SLC24A2: variants seen among roughly 807,000 people sequenced by gnomAD.
The protein encoded by SLC24A2 is solute carrier family 24 member 2.
A neutral mutation model predicts 62.0 loss-of-function variants in SLC24A2; 36 were observed. That is an observed-to-expected ratio of 0.58 (90% confidence interval 0.44 to 0.77). SLC24A2 has a LOEUF of 0.77. Ranked by LOEUF, SLC24A2 falls within the 30% of genes least tolerant of loss-of-function variation. SLC24A2 has a pLI of 0.00. For synonymous variants in SLC24A2, 358 were observed against 294.0 expected (o/e 1.22, Z -2.23); for missense variants, 846 against 817.9 (o/e 1.03, Z -0.42).
intron 10 of SLC24A2, among the ~76,000 whole-genome samples, chr9:19,517,933 AC>A (rs1563926118): frequency 1.0e-4 from 15 of 147,544 alleles, no homozygotes; most frequent in Non-Finnish European, 1.9e-4. Context: ...ACACACACAC[AC>A]ACACACACAC....
chr9:19,534,652 T>C (rs1027061543), intron 8 of SLC24A2, among the ~76,000 whole-genome samples: 1 of 152,204 alleles, frequency 6.6e-6, no homozygotes, highest in African/African-American at 2.4e-5. Flanking sequence ...AATGATAGTT[T>C]CCAGCTTCAT....
chr9:20,182,475 G>GT, the SLC24A2 span, among the ~76,000 whole-genome samples: 1 of 152,198 alleles, frequency 6.6e-6, no homozygotes, highest in Non-Finnish European at 1.5e-5. Flanking sequence ...ATGAATTCAT[G>GT]TCCTTTGCAG....
chr9:20,106,547 T>C, the SLC24A2 span, among the ~76,000 whole-genome samples: 6 of 152,198 alleles, frequency 3.9e-5, no homozygotes, highest in African/African-American at 1.2e-4. Context: ...GTTCAATACA[T>C]GCAAATCAAT....
At chr9:20,129,948 C>T in the SLC24A2 span, among the ~76,000 whole-genome samples, 2 of 151,674 alleles carry the variant, frequency 1.3e-5, no homozygotes, top group African/African-American at 4.8e-5. Flanking sequence ...CACACACACA[C>T]ACACACACAC....
the SLC24A2 span, among the ~76,000 whole-genome samples, chr9:20,098,994 G>A: frequency 1.3e-5 from 2 of 152,164 alleles, no homozygotes; most frequent in Admixed American, 6.5e-5. Flanking sequence ...AGGAATAAAA[G>A]CTTTAAAACA....
At chr9:20,225,315 A>G in the SLC24A2 span, among the ~76,000 whole-genome samples, 2 of 151,630 alleles carry the variant, frequency 1.3e-5, no homozygotes, top group Non-Finnish European at 2.9e-5. Flanking sequence ...AAATTCGGCA[A>G]CAGTCTAAAT....
chr9:19,534,102 G>A (rs1833838339), intron 8 of SLC24A2, among the ~76,000 whole-genome samples: 1 of 152,124 alleles, frequency 6.6e-6, no homozygotes, highest in African/African-American at 2.4e-5. Flanking sequence ...ATTCACAGAG[G>A]GGAAAAAATT....
chr9:19,846,640 C>A, the SLC24A2 span, among the ~76,000 whole-genome samples: 1 of 152,152 alleles, frequency 6.6e-6, no homozygotes, highest in South Asian at 2.1e-4. Flanking sequence ...AAGTTGTTAG[C>A]TGGTTGTTTT....
the SLC24A2 span, among the ~76,000 whole-genome samples, chr9:19,882,080 A>G: frequency 3.3e-5 from 5 of 152,224 alleles, no homozygotes; most frequent in African/African-American, 4.8e-5. Flanking sequence ...TCTGTCATAC[A>G]TTAATCTTTG....
At chr9:20,245,175 G>C in the SLC24A2 span, among the ~76,000 whole-genome samples, 7 of 152,224 alleles carry the variant, frequency 4.6e-5, no homozygotes, top group African/African-American at 9.7e-5. Context: ...TCAAGGAGTT[G>C]ATATCTAGTG....
the SLC24A2 span, among the ~76,000 whole-genome samples, chr9:20,163,028 C>A: frequency 2.6e-5 from 4 of 151,836 alleles, no homozygotes; most frequent in African/African-American, 9.7e-5. Context: ...AATATCATAC[C>A]GAATGGGCAA....
the SLC24A2 span, among the ~76,000 whole-genome samples, chr9:19,992,088 T>C: frequency 6.6e-6 from 1 of 152,220 alleles, no homozygotes; most frequent in Non-Finnish European, 1.5e-5. Flanking sequence ...ATTAATGTTA[T>C]CACTTAAAAA....
the SLC24A2 span, among the ~76,000 whole-genome samples, chr9:20,274,755 G>C: frequency 1.3e-5 from 2 of 152,098 alleles, no homozygotes; most frequent in Non-Finnish European, 2.9e-5. Flanking sequence ...CCCAAGGATA[G>C]TGGACCATGG....
At chr9:20,048,229 C>T in the SLC24A2 span, among the ~76,000 whole-genome samples, 1 of 152,186 alleles carries the variant, frequency 6.6e-6, no homozygotes, top group Non-Finnish European at 1.5e-5. Flanking sequence ...CACTGCCTAG[C>T]ACATAGTAGG....
chr9:19,644,483 A>G (rs1002631919), intron 2 of SLC24A2, among the ~76,000 whole-genome samples: 1 of 152,154 alleles, frequency 6.6e-6, no homozygotes, highest in Non-Finnish European at 1.5e-5. Flanking sequence ...AAATGAGGGA[A>G]GTGAGAAAGG....
the SLC24A2 span, among the ~76,000 whole-genome samples, chr9:20,301,557 T>C: frequency 6.6e-6 from 1 of 151,782 alleles, no homozygotes; most frequent in Non-Finnish European, 1.5e-5. Context: ...TAGTAAGAGA[T>C]GAAGACTTTA....
intron 2 of SLC24A2, among the ~76,000 whole-genome samples, chr9:19,729,795 T>C (rs1821280500): frequency 6.6e-6 from 1 of 152,164 alleles, no homozygotes; most frequent in African/African-American, 2.4e-5. Flanking sequence ...TAAGTTCTAG[T>C]GCTCTATCTC....
At chr9:20,032,179 T>C in the SLC24A2 span, among the ~76,000 whole-genome samples, 1 of 152,156 alleles carries the variant, frequency 6.6e-6, no homozygotes, top group Non-Finnish European at 1.5e-5. Flanking sequence ...AAGCTTTGGG[T>C]GGGAATTGAG....
At chr9:19,923,681 A>G in the SLC24A2 span, among the ~76,000 whole-genome samples, 1 of 152,262 alleles carries the variant, frequency 6.6e-6, no homozygotes. Context: ...TCACCTTTGG[A>G]GAATGTGATC....
Sources: allele counts gnomAD v4.1 joint callset (sites outside exome capture counted in the v4.1 genomes callset), GRCh38; gene constraint gnomAD v4.1.1; transcripts MANE v1.5; gene names NCBI Gene and HGNC (gene_info 2026-07-23, HGNC 2026-07-21).